KIF17: variants seen among roughly 807,000 people sequenced by gnomAD.
KIF17 encodes kinesin-like protein KIF17.
Under a neutral mutation model 96.8 loss-of-function variants are expected in KIF17, and 80 were observed. The ratio of observed to expected loss-of-function variants is 0.83; its 90% CI spans 0.69 to 1.00. The LOEUF is 1.00. KIF17 is among the 50% of genes least tolerant of loss of function. KIF17 has a pLI of 0.00. For missense variants in KIF17, 1,280 were observed against 1,372.9 expected, an observed-to-expected ratio of 0.93 and a Z score of 1.07; for synonymous variants, 567 against 587.5, an observed-to-expected ratio of 0.97 and a Z score of 0.51.
intron 7 of KIF17, among the ~76,000 whole-genome samples, chr1:20,689,730 C>T (rs983283630): frequency 2.6e-5 from 4 of 152,190 alleles, no homozygotes; most frequent in African/African-American, 7.2e-5. Flanking sequence ...AGGATTAAAT[C>T]CTTATTATGG....
At chr1:20,713,703 G>C in intron 2 of KIF17, 148 bp from the exon 3 acceptor site, 1 of 689,750 alleles carries the variant, frequency 1.4e-6, no homozygotes, top group East Asian at 2.7e-5. Context: ...AACCCAACCC[G>C]CCCTGCTGGC....
intron 13 of KIF17, among the ~76,000 whole-genome samples, 157 bp downstream of exon 13, chr1:20,670,264 T>G (rs1570663): frequency 0.2 from 30,433 of 152,036 alleles, 3,191 homozygotes; most frequent in East Asian, 0.26. Context: ...TAGGTGCCAA[T>G]GGAGGGGCAT....
chr1:20,696,515 A>ACCCCATCCCCAGGGCAGAAGGCAC (rs2054141605), intron 6 of KIF17, among the ~76,000 whole-genome samples: 1 of 151,334 alleles, frequency 6.6e-6, no homozygotes, highest in East Asian at 1.9e-4. Context: ...GAGGCAGGCG[A>ACCCCATCCCCAGGGCAGAAGGCAC]CCCCATCCCC....
downstream of KIF17, among the ~76,000 whole-genome samples, chr1:20,662,342 C>T (rs763094820): frequency 6.6e-6 from 1 of 152,196 alleles, no homozygotes; most frequent in Non-Finnish European, 1.5e-5. Context: ...AGACTTCCAC[C>T]GTCCTCTGGG....
At chr1:20,682,941 G>T in intron 10 of KIF17, 57 bp from the exon 11 acceptor site, 1 of 1,493,932 alleles carries the variant, frequency 6.7e-7, no homozygotes, top group Non-Finnish European at 9.2e-7. Context: ...CCGAGCACGT[G>T]CCATCCAGCA....
chr1:20,684,896 C>G lies in KIF17; in HGVS notation c.2144G>C (p.Gly715Ala), dbSNP rs1221615632. The G allele has an allele frequency of 7.5e-6, 12 of 1,597,466 alleles. No homozygotes were observed. The highest frequency in any genetic ancestry group is 1.0e-5 in the Non-Finnish European group (12 of 1,172,126). ...CATGCCCACGCTCTCCCTCTTCACA[C>G]CAGCTGTGGCCGGCAGGGGCTCAGG... ...AQPEPLPATAGVKRESVGMEV... is the reference protein window; with the variant it reads ...AQPEPLPATAAVKRESVGMEV... Residue 715 changes from glycine to alanine, a missense_variant, in exon 10 of 15, where the codon GGT becomes GCT. Coordinates refer to ENST00000400463, the MANE Select transcript of KIF17 (RefSeq NM_001122819.3).
rs1357139877 is a variant in KIF17, at chr1:20,685,769, G to A, written c.2019+277C>T. ...AGCCCTCGTCCTTTGCACACACTGG[G>A]CCTCAATTCCTTTACACAAAGGGCG... On this transcript the variant is annotated intron_variant, in intron 9 of 14. Coordinates refer to ENST00000400463, the MANE Select transcript of KIF17 (RefSeq NM_001122819.3). This position sits in a 1 kb window ranked among gnomAD's most constrained non-coding sequence, Gnocchi z 4.1. 2.0e-5 allele frequency among the ~76,000 whole-genome samples: 3 copies of A among 152,176 alleles called. No individual in the cohort carries two copies. Among genetic ancestry groups the A allele is most frequent in the African/African-American group, 4.8e-5 (2 of 41,422 alleles).
chr1:20,674,580 T>A (rs1265929892), intron 11 of KIF17, among the ~76,000 whole-genome samples: 1 of 151,642 alleles, frequency 6.6e-6, no homozygotes, highest in Non-Finnish European at 1.5e-5. Flanking sequence ...TCCCTCTTTT[T>A]TTTTTTTTTT....
chr1:20,673,420 C>G (rs2154535203), intron 11 of KIF17, among the ~76,000 whole-genome samples: 1 of 152,072 alleles, frequency 6.6e-6, no homozygotes, highest in East Asian at 1.9e-4. Context: ...AGATACGAGG[C>G]TCACTTTGTT....
intron 14 of KIF17, among the ~76,000 whole-genome samples, chr1:20,665,543 G>A (rs143493072): frequency 0.013 from 1,929 of 151,854 alleles, 12 homozygotes; most frequent in Middle Eastern, 0.021. Context: ...GGGATTACAG[G>A]CACACGCCAC....
downstream of KIF17, among the ~76,000 whole-genome samples, chr1:20,663,799 T>C (rs1339012497): frequency 6.6e-6 from 1 of 151,738 alleles, no homozygotes; most frequent in Non-Finnish European, 1.5e-5. Flanking sequence ...CAACAAGGGG[T>C]CTTGCTTTCC....
intron 7 of KIF17, among the ~76,000 whole-genome samples, chr1:20,688,212 A>C (rs1209574479): frequency 6.6e-6 from 1 of 151,544 alleles, no homozygotes; most frequent in Non-Finnish European, 1.5e-5. Context: ...ATGCCTGGCT[A>C]ATTTTTTTTG....
chr1:20,668,318 A>C (rs879821668), intron 13 of KIF17, among the ~76,000 whole-genome samples: 1 of 152,192 alleles, frequency 6.6e-6, no homozygotes, highest in African/African-American at 2.4e-5. Context: ...TCAAAAAAAA[A>C]AAAAGAGGTG....
At chr1:20,694,660 CTAGG>C (rs1162221134) in intron 6 of KIF17, among the ~76,000 whole-genome samples, 1 of 152,158 alleles carries the variant, frequency 6.6e-6, no homozygotes, top group East Asian at 1.9e-4. Flanking sequence ...ATTTAGGCTC[CTAGG>C]GAGGGAGAGA....
intron 11 of KIF17, among the ~76,000 whole-genome samples, chr1:20,673,175 G>A (rs2053677769): frequency 1.3e-5 from 2 of 151,948 alleles, no homozygotes; most frequent in South Asian, 4.2e-4. Context: ...GATCACACCA[G>A]TGCACTCCAG....
chr1:20,702,625 G>A (rs1331811932), intron 5 of KIF17, among the ~76,000 whole-genome samples: 1 of 152,170 alleles, frequency 6.6e-6, no homozygotes, highest in African/African-American at 2.4e-5. Flanking sequence ...AGCCAGCAGA[G>A]GGCTTTGTAG....
chr1:20,713,409 C>T (rs773628066), intron 3 of KIF17, 45 bp downstream of exon 3: 1 of 1,434,894 alleles, frequency 7.0e-7, no homozygotes, highest in South Asian at 1.2e-5. Flanking sequence ...CAATGCCAAC[C>T]TCCCCCCTAC....
chr1:20,666,747 T>G (rs951207289), intron 13 of KIF17, among the ~76,000 whole-genome samples: 1 of 152,222 alleles, frequency 6.6e-6, no homozygotes, highest in Non-Finnish European at 1.5e-5. Flanking sequence ...TTGTGATCAT[T>G]AGAACTGGAA....
At chr1:20,673,343 AG>A (rs2053681015) in intron 11 of KIF17, among the ~76,000 whole-genome samples, 1 of 152,126 alleles carries the variant, frequency 6.6e-6, no homozygotes, top group Admixed American at 6.6e-5. Flanking sequence ...GCTGGTGCAC[AG>A]GGGTTTCAAC....
Sources: allele counts gnomAD v4.1 joint callset (sites outside exome capture counted in the v4.1 genomes callset), GRCh38; gene constraint gnomAD v4.1.1; non-coding constraint Gnocchi (gnomAD v3.1); transcripts MANE v1.5; gene names NCBI Gene and HGNC (gene_info 2026-07-23, HGNC 2026-07-21).